The following NCOA1 variants were observed in gnomAD, a reference collection of about 807,000 sequenced individuals.
The protein encoded by NCOA1 is Hin-2 protein.
Under a neutral mutation model 150.9 loss-of-function variants are expected in NCOA1, and 35 were observed. The observed-to-expected ratio is 0.23, with a 90% CI of 0.18 to 0.31. The LOEUF (loss-of-function observed/expected upper bound fraction) is 0.31. NCOA1 is among the 10% of genes least tolerant of loss of function. The pLI, the probability that NCOA1 is intolerant of heterozygous loss-of-function variation, is 1.00. For synonymous variants in NCOA1, 590 were observed against 630.0 expected, an observed-to-expected ratio of 0.94 and a Z score of 0.95; for missense variants, 1,491 against 1,749.3, an observed-to-expected ratio of 0.85 and a Z score of 2.63.
chr2:24,730,326 C>G (rs1032371782), intron 17 of NCOA1, among the ~76,000 whole-genome samples: 2 of 152,142 alleles, frequency 1.3e-5, no homozygotes, highest in Non-Finnish European at 1.5e-5. Flanking sequence ...TCAATTAAAT[C>G]AATTCATTCA....
At chr2:24,527,883 CAT>C (rs1379216063) in intron 1 of NCOA1, among the ~76,000 whole-genome samples, 2 of 152,170 alleles carry the variant, frequency 1.3e-5, no homozygotes, top group African/African-American at 4.8e-5. Flanking sequence ...GGTGATATCT[CAT>C]AGTGTTTTGA....
chr2:24,728,245 A>G, intron 15 of NCOA1, 63 bp from the exon 16 acceptor site: 1 of 1,454,010 alleles, frequency 6.9e-7, no homozygotes, highest in Non-Finnish European at 9.3e-7. Flanking sequence ...ATATATGTAT[A>G]TAAAGATTGA....
chr2:24,651,881 ACT>A (rs931469591), intron 4 of NCOA1, among the ~76,000 whole-genome samples: 4 of 151,964 alleles, frequency 2.6e-5, no homozygotes, highest in Non-Finnish European at 5.9e-5. Context: ...ACAGGAAATA[ACT>A]CTTTATTTGG....
chr2:24,758,305 A>G (rs1044109037), intron 21 of NCOA1, 149 bp downstream of exon 21: 2 of 713,328 alleles, frequency 2.8e-6, no homozygotes, highest in Non-Finnish European at 4.1e-6. Flanking sequence ...CTTAAGATAT[A>G]CAATGAAAAA....
At chr2:24,627,121 G>GTTTTTTTTTTTTTTTTTT (rs33949925) in intron 3 of NCOA1, among the ~76,000 whole-genome samples, 3 of 115,158 alleles carry the variant, frequency 2.6e-5, no homozygotes, top group African/African-American at 3.4e-5. Context: ...GTTTTTTGCT[G>GTTTTTTTTTTTTTTTTTT]TTTTTTTTTT....
In NCOA1 at chr2:24,707,060, C is replaced by G; in HGVS notation, c.1590C>G (p.Asn530Lys). Residue 530 changes from asparagine (N) to lysine (K), a missense_variant, in exon 13 of 23, where the codon AAC becomes AAG. By Grantham distance (94) the Asn-to-Lys change is moderately conservative. Coordinates refer to ENST00000348332, the MANE Select transcript of NCOA1 (RefSeq NM_003743.5). ...CAAGTAGTGCCTGTAATAATAATAACCGATCTTATTCAAACATCCCAGTAA... is the reference window on the plus strand; with the variant it reads ...CAAGTAGTGCCTGTAATAATAATAAGCGATCTTATTCAAACATCCCAGTAA... Reference protein sequence around the residue: ...GMTSSACNNNNRSYSNIPVTS... With the variant: ...GMTSSACNNNKRSYSNIPVTS... 1 of 1,614,174 alleles carries G rather than the reference C, an allele frequency of 6.2e-7. No individual in the cohort carries two copies. Among genetic ancestry groups the G allele is most frequent in the Non-Finnish European group, 8.5e-7 (1 of 1,180,018 alleles).
At chr2:24,518,636 A>C (rs1664302316) in intron 1 of NCOA1, among the ~76,000 whole-genome samples, 1 of 152,224 alleles carries the variant, frequency 6.6e-6, no homozygotes, top group Non-Finnish European at 1.5e-5. Flanking sequence ...ACAAGGTAGG[A>C]TAGAAGATCA....
At chr2:24,711,447 A>G (rs1008701657) in intron 14 of NCOA1, 2 of 174,292 alleles carry the variant, frequency 1.1e-5, no homozygotes, top group African/African-American at 4.7e-5. Context: ...CTTGAAAACT[A>G]ATCCTGTGAG....
chr2:24,681,063 T>TTA (rs1553447039), intron 7 of NCOA1, among the ~76,000 whole-genome samples: 45 of 144,694 alleles, frequency 3.1e-4, no homozygotes, highest in Non-Finnish European at 5.3e-4. Context: ...CATTTTCACA[T>TTA]AAAAAAAAAA....
chr2:24,592,578 A>ATTTTTTTTTTT (rs145333073), intron 3 of NCOA1, among the ~76,000 whole-genome samples: 50 of 103,478 alleles, frequency 4.8e-4, no homozygotes, highest in African/African-American at 8.0e-4. Context: ...TCCCCTCCTA[A>ATTTTTTTTTTT]TTTTTTTTTT....
At chr2:24,762,605 G>T (rs1342703012) in intron 21 of NCOA1, 82 bp from the exon 22 acceptor site, 3 of 1,214,584 alleles carry the variant, frequency 2.5e-6, no homozygotes, top group African/African-American at 3.0e-5. Context: ...TTTTCTGTCA[G>T]TGAGATTGTT....
chr2:24,659,826 C>T (rs1215350563), intron 5 of NCOA1, among the ~76,000 whole-genome samples: 4 of 152,106 alleles, frequency 2.6e-5, no homozygotes, highest in Non-Finnish European at 5.9e-5. Flanking sequence ...ATGTCAGTAG[C>T]ATCTTAGTTG....
At chr2:24,594,305 G>A (rs1448423602) in intron 3 of NCOA1, among the ~76,000 whole-genome samples, 1 of 152,010 alleles carries the variant, frequency 6.6e-6, no homozygotes, top group Non-Finnish European at 1.5e-5. Context: ...AGAAAATTAG[G>A]TATCGTTCAA....
In NCOA1 at chr2:24,695,782, A is replaced by G. The variant is rs551599897; in HGVS notation, c.809-1876A>G. Among the ~76,000 whole-genome samples the G allele has an allele frequency of 2.6e-5, 4 of 152,280 alleles. No individual in the cohort carries two copies. In the East Asian group the frequency reaches 5.8e-4, roughly 22 times the overall value. On this transcript the variant is annotated intron_variant, in intron 10 of 22. Coordinates refer to ENST00000348332, the MANE Select transcript of NCOA1 (RefSeq NM_003743.5). ...TAAATCAAGCTGTTCATGATTCTTCACTAAGATAGTCATTATATTACCCAT... is the reference window on the plus strand; with the variant it reads ...TAAATCAAGCTGTTCATGATTCTTCGCTAAGATAGTCATTATATTACCCAT...
chr2:24,665,057 C>A (rs576479503), intron 5 of NCOA1, among the ~76,000 whole-genome samples: 124 of 152,238 alleles, frequency 8.1e-4, no homozygotes, highest in Non-Finnish European at 1.4e-3. Context: ...AAAGGTGCTA[C>A]CTGTATGCAC....
At chr2:24,560,369 T>G (rs1408838327) in intron 1 of NCOA1, among the ~76,000 whole-genome samples, 2 of 152,148 alleles carry the variant, frequency 1.3e-5, no homozygotes, top group African/African-American at 4.8e-5. Flanking sequence ...TTTATTAAAT[T>G]TACTTGGTTG....
intron 1 of NCOA1, among the ~76,000 whole-genome samples, chr2:24,523,380 G>GA (rs1664502201): frequency 6.6e-6 from 1 of 151,896 alleles, no homozygotes; most frequent in African/African-American, 2.4e-5. Context: ...GCCGAGGCGA[G>GA]TGGATCACGA....
At chr2:24,747,182 T>G (rs1319709494) in intron 19 of NCOA1, among the ~76,000 whole-genome samples, 1 of 152,110 alleles carries the variant, frequency 6.6e-6, no homozygotes, top group East Asian at 1.9e-4. Context: ...AGTTAGAATG[T>G]GAGATGAAGC....
chr2:24,693,452 T>C (rs1672762874), intron 10 of NCOA1, 105 bp downstream of exon 10: 1 of 986,102 alleles, frequency 1.0e-6, no homozygotes, highest in African/African-American at 1.6e-5. Context: ...AGATTTAGGC[T>C]TTGCTCCCTA....
Sources: gnomAD v4.1 joint callset for allele counts (sites outside exome capture counted in the v4.1 genomes callset) on GRCh38, gnomAD v4.1.1 for gene constraint, MANE v1.5 for transcripts, NCBI Gene and HGNC (gene_info 2026-07-23, HGNC 2026-07-21) for gene names.